Variants in SLC25A27 observed in about 807,000 individuals in gnomAD.
SLC25A27 encodes mitochondrial uncoupling protein 4.
SLC25A27 carries 35 observed loss-of-function variants against 49.1 expected under a neutral mutation model. That is an observed-to-expected ratio of 0.71 (90% CI 0.54 to 0.95). The LOEUF (loss-of-function observed/expected upper bound fraction) is 0.95. Among genes scored for constraint, SLC25A27 ranks in the 40% least tolerant of loss-of-function variants. The pLI is 0.00. For synonymous variants in SLC25A27, 144 were observed against 136.9 expected (o/e 1.05, Z -0.36); for missense variants, 339 against 397.1 (o/e 0.85, Z 1.24).
intron 8 of SLC25A27, among the ~76,000 whole-genome samples, chr6:46,672,347 G>C (rs1299585780): frequency 6.6e-6 from 1 of 152,036 alleles, no homozygotes; most frequent in Admixed American, 6.6e-5. Context: ...CACCACACTA[G>C]GAAGGACCAT....
At chr6:46,654,530 A>C (rs910366792) in intron 1 of SLC25A27, among the ~76,000 whole-genome samples, 2 of 152,222 alleles carry the variant, frequency 1.3e-5, no homozygotes, top group African/African-American at 2.4e-5. Context: ...GCTTTTATAC[A>C]GGACTATTCC....
At chr6:46,672,790 G>A (rs1763605859) in intron 8 of SLC25A27, among the ~76,000 whole-genome samples, 1 of 152,186 alleles carries the variant, frequency 6.6e-6, no homozygotes. Flanking sequence ...ATTGGTCTAT[G>A]TCTTAGGAGA....
intron 2 of SLC25A27, among the ~76,000 whole-genome samples, chr6:46,658,149 C>T (rs6907892): frequency 0.37 from 56,666 of 152,022 alleles, 10,827 homozygotes; most frequent in South Asian, 0.63. Flanking sequence ...TTTAAAGATT[C>T]AATTCTCCAT....
chr6:46,655,809 T>C (rs1762958392), intron 1 of SLC25A27, 34 bp from the exon 2 acceptor site: 7 of 1,582,566 alleles, frequency 4.4e-6, no homozygotes, highest in Non-Finnish European at 6.0e-6. Flanking sequence ...CTCTGAATGT[T>C]GTGGGTTTTT....
chr6:46,662,696 A>G (rs1029809732), intron 4 of SLC25A27, among the ~76,000 whole-genome samples, 198 bp downstream of exon 4: 1 of 152,158 alleles, frequency 6.6e-6, no homozygotes, highest in Non-Finnish European at 1.5e-5. Context: ...ATACCAGACA[A>G]ATTATATATG....
intron 1 of SLC25A27, chr6:46,653,652 C>A (rs1162314144): frequency 2.0e-6 from 2 of 983,910 alleles, no homozygotes; most frequent in Non-Finnish European, 2.4e-6. Context: ...TTACTGAGAT[C>A]ATCTCTGTGG....
chr6:46,659,995 T>A (rs1033132363), intron 3 of SLC25A27, among the ~76,000 whole-genome samples: 1 of 152,020 alleles, frequency 6.6e-6, no homozygotes, highest in Non-Finnish European at 1.5e-5. Flanking sequence ...TCCAGAGTGA[T>A]TTATTTGAAA....
chr6:46,673,212 G>T (rs943722430), intron 8 of SLC25A27, among the ~76,000 whole-genome samples: 1 of 152,166 alleles, frequency 6.6e-6, no homozygotes, highest in African/African-American at 2.4e-5. Flanking sequence ...TGAATCACTT[G>T]GTATATGGCC....
intron 8 of SLC25A27, among the ~76,000 whole-genome samples, chr6:46,672,737 A>G (rs928476275): frequency 6.6e-6 from 1 of 152,212 alleles, no homozygotes; most frequent in Non-Finnish European, 1.5e-5. Context: ...TTGGATACCC[A>G]TAGGACATCC....
intron 8 of SLC25A27, among the ~76,000 whole-genome samples, chr6:46,672,034 G>T (rs1434446337): frequency 1.3e-5 from 2 of 152,076 alleles, no homozygotes; most frequent in African/African-American, 2.4e-5. Context: ...TGAGGACTCA[G>T]CTTTGAATAA....
intron 1 of SLC25A27, chr6:46,653,601 A>G (rs1002653147): frequency 3.0e-6 from 3 of 985,216 alleles, no homozygotes; most frequent in Non-Finnish European, 3.6e-6. Context: ...TTTCCTTTTC[A>G]TGAGGATGAC....
Position 46,656,005 on chromosome 6 carries a change from G to A in SLC25A27, c.269G>A (p.Gly90Glu), listed in dbSNP as rs1372040262. ...GAAGGCTTTCTAAAGCTTTGGCAAG[G>A]AGTGACACCCGCCATTTACAGACAC... ...EEEGFLKLWQ[G>E]VTPAIYRHVV... is the part of the protein sequence containing the mutation. Residue 90 changes from glycine to glutamate, a missense_variant, in exon 2 of 9, where the codon GGA (glycine) becomes GAA (glutamate). By Grantham distance (98) the Gly-to-Glu change is moderately conservative (BLOSUM62 -2). Coordinates refer to ENST00000371347, the MANE Select transcript of SLC25A27 (RefSeq NM_004277.5). 6.2e-7 allele frequency: 1 copy of A among 1,610,802 alleles called. No homozygotes were observed. The highest frequency in any genetic ancestry group is 1.1e-5 in the South Asian group (1 of 90,172).
chr6:46,667,967 G>T (rs184341722), intron 5 of SLC25A27, among the ~76,000 whole-genome samples: 2 of 152,266 alleles, frequency 1.3e-5, no homozygotes, highest in East Asian at 3.9e-4. Flanking sequence ...ATACTTTAGT[G>T]TGGGTTAACT....
chr6:46,668,929 G>T (rs1763417348), intron 6 of SLC25A27, 136 bp downstream of exon 6: 2 of 551,540 alleles, frequency 3.6e-6, no homozygotes, highest in South Asian at 2.8e-5. Flanking sequence ...TTTATAAAGA[G>T]AAATTTCTTA....
chr6:46,656,140 C>A (rs909352410), intron 2 of SLC25A27, 106 bp downstream of exon 2: 6 of 868,932 alleles, frequency 6.9e-6, no homozygotes, highest in Non-Finnish European at 8.9e-6. Flanking sequence ...CTTACTGATA[C>A]AATAACTGAA....
At chr6:46,665,418 G>T (rs1004475145) in intron 5 of SLC25A27, among the ~76,000 whole-genome samples, 1 of 151,848 alleles carries the variant, frequency 6.6e-6, no homozygotes, top group African/African-American at 2.4e-5. Context: ...GGGTGCGGTG[G>T]CTCACACCTG....
In SLC25A27 at chr6:46,668,734, A is replaced by G. The variant is rs772404556; in HGVS notation, c.645A>G (p.Lys215=). 31 of 1,607,250 alleles carry G rather than the reference A, an allele frequency of 1.9e-5. No individual in the cohort carries two copies. Among genetic ancestry groups the G allele is most frequent in the Non-Finnish European group, 2.6e-5 (30 of 1,174,188 alleles). The change falls in exon 6 of 9, where the codon AAA becomes AAG. Residue 215 remains lysine, a synonymous_variant. Coordinates refer to ENST00000371347, the MANE Select transcript of SLC25A27 (RefSeq NM_004277.5). ...ATTTAACCACTTATGATACAGTGAA[A>G]CACTACTTGGTATTGAATACACCAC... ...MGDLTTYDTV[K]HYLVLNTPLE... is the part of the protein sequence containing the mutation.
chr6:46,676,617 T>G lies in SLC25A27; in HGVS notation c.*163T>G. ...CTTTATTTTTTTCTGGAAACCCAAG[T>G]TCTCTTTGACTCCTCTTTTTGTCCA... is the stretch of plus-strand genomic sequence containing the variant. On this transcript the variant is annotated 3_prime_UTR_variant, in exon 9 of 9. Transcript: ENST00000371347. The G allele has an allele frequency of 6.4e-7, 1 of 1,552,092 alleles. No homozygotes were observed. Among genetic ancestry groups the G allele is most frequent in the East Asian group, 2.4e-5 (1 of 40,952 alleles).
intron 3 of SLC25A27, among the ~76,000 whole-genome samples, chr6:46,660,192 A>T (rs560391828): frequency 1.9e-4 from 28 of 148,566 alleles, no homozygotes; most frequent in Admixed American, 1.7e-3. Context: ...GAAAGATTCC[A>T]CTGCCTGCAC....
Sources: gnomAD v4.1 joint callset for allele counts (sites outside exome capture counted in the v4.1 genomes callset) on GRCh38, gnomAD v4.1.1 for gene constraint, MANE v1.5 for transcripts, NCBI Gene and HGNC (gene_info 2026-07-23, HGNC 2026-07-21) for gene names.